The following CGNL1 variants were observed in gnomAD, a reference collection of about 807,000 sequenced individuals.
The protein encoded by CGNL1 is cingulin-like protein 1.
In CGNL1, 132 loss-of-function variants were observed where a neutral mutation model predicts 141.2. That is an observed-to-expected ratio of 0.93 (90% CI 0.81 to 1.08). The LOEUF is 1.08. CGNL1 is among the 50% of genes least tolerant of loss of function. CGNL1 has a pLI of 0.00. For missense variants in CGNL1, 1,870 were observed against 1,588.6 expected (o/e 1.18, Z -3.01); for synonymous variants, 690 against 622.1 (o/e 1.11, Z -1.63).
At chr15:57,389,286 C>G (rs1049176478) in intron 1 of CGNL1, among the ~76,000 whole-genome samples, 3 of 152,206 alleles carry the variant, frequency 2.0e-5, no homozygotes, top group East Asian at 3.9e-4. Context: ...GAACAAAACT[C>G]CATCTCAAAA....
rs1184447623 is a variant in CGNL1, at chr15:57,464,022, T to C, written c.2403+2130T>C. Among the ~76,000 whole-genome samples the C allele has an allele frequency of 2.6e-5, 4 of 152,160 alleles. No homozygotes were observed. The East Asian group carries it at 7.7e-4, about 29-fold the overall frequency. On this transcript the variant is annotated intron_variant, in intron 8 of 18. Transcript: ENST00000281282. ...CCCTATTATAATTTCTCATCTTGTC[T>C]GCTTCCTCCATTAGACTCTGCACTT...
chr15:57,380,628 G>A lies in CGNL1; in HGVS notation c.-16+4061G>A, dbSNP rs913355986. 3.3e-5 allele frequency among the ~76,000 whole-genome samples: 5 copies of A among 152,254 alleles called. 1 individual carries two copies. In the South Asian group the frequency reaches 6.2e-4, roughly 19 times the overall value. On this transcript the variant is annotated intron_variant, in intron 1 of 18. Transcript: ENST00000281282. ...TATTAGGCCCGTACCCCAAATGACT[G>A]ATTTTGGAAATGTCCGACTCCAGGA...
intron 13 of CGNL1, among the ~76,000 whole-genome samples, chr15:57,530,351 C>T (rs1411472589): frequency 6.6e-6 from 1 of 152,222 alleles, no homozygotes; most frequent in Admixed American, 6.5e-5. Context: ...TCATTAATTA[C>T]AAAATGAATG....
chr15:57,397,712 G>C (rs1026292128), intron 1 of CGNL1, among the ~76,000 whole-genome samples: 1 of 151,568 alleles, frequency 6.6e-6, no homozygotes, highest in African/African-American at 2.4e-5. Flanking sequence ...CTTTTTTCTT[G>C]ATTATGTAGT....
intron 7 of CGNL1, 142 bp downstream of exon 7, chr15:57,453,960 A>G: frequency 3.5e-6 from 3 of 852,470 alleles, no homozygotes; most frequent in East Asian, 5.3e-5. Context: ...GAGTCAGTGG[A>G]TGCGCTTGAT....
Position 57,535,211 on chromosome 15 carries a change from G to A in CGNL1, c.3291+3432G>A, listed in dbSNP as rs575001457. Among the ~76,000 whole-genome samples, 14 of 152,270 alleles carry A rather than the reference G, an allele frequency of 9.2e-5. No homozygotes were observed. In the South Asian group the frequency reaches 1.9e-3, roughly 20 times the overall value. On this transcript the variant is annotated intron_variant, in intron 14 of 18. Coordinates refer to ENST00000281282, the MANE Select transcript of CGNL1 (RefSeq NM_032866.5). The stretch of plus-strand genomic sequence containing the variant: ...TTCCAAGGCAGTGCTCTATCTACCC[G>A]TGCCTGCAAAATATGATGAATACCT...
chr15:57,405,365 C>A (rs1238459781), intron 1 of CGNL1, among the ~76,000 whole-genome samples: 1 of 152,224 alleles, frequency 6.6e-6, no homozygotes, highest in Non-Finnish European at 1.5e-5. Flanking sequence ...TTTCTCCCAT[C>A]ACTCTGGCAT....
At chr15:57,383,298 T>TTTTTTTTTTTTTTTTTTTTTTTTTTTG (rs1555428834) in intron 1 of CGNL1, among the ~76,000 whole-genome samples, 1 of 141,610 alleles carries the variant, frequency 7.1e-6, no homozygotes, top group Non-Finnish European at 1.5e-5. Context: ...CTTCCTTTTT[T>TTTTTTTTTTTTTTTTTTTTTTTTTTTG]TTTTTTTGTT....
At chr15:57,411,447 C>CTCT (rs762601226) in intron 1 of CGNL1, among the ~76,000 whole-genome samples, 2 of 142,142 alleles carry the variant, frequency 1.4e-5, no homozygotes, top group Non-Finnish European at 3.1e-5. Context: ...TTTTCTTTTT[C>CTCT]TTTTTTTTTT....
chr15:57,514,958 A>G (rs1475421363), intron 8 of CGNL1, among the ~76,000 whole-genome samples: 1 of 152,088 alleles, frequency 6.6e-6, no homozygotes, highest in Non-Finnish European at 1.5e-5. Context: ...TCATTGATTT[A>G]TATGCCTTCC....
At chr15:57,538,872 C>T (rs1251012321) in intron 14 of CGNL1, among the ~76,000 whole-genome samples, 1 of 152,084 alleles carries the variant, frequency 6.6e-6, no homozygotes, top group African/African-American at 2.4e-5. Flanking sequence ...TACAGGTTTG[C>T]GAAGACACAA....
chr15:57,515,493 C>T (rs2030698137), intron 8 of CGNL1, among the ~76,000 whole-genome samples: 1 of 152,168 alleles, frequency 6.6e-6, no homozygotes, highest in South Asian at 2.1e-4. Context: ...ACCTTGTCCT[C>T]CCTGGGCCTT....
At chr15:57,391,197 A>G (rs1357313579) in intron 1 of CGNL1, among the ~76,000 whole-genome samples, 1 of 152,164 alleles carries the variant, frequency 6.6e-6, no homozygotes, top group Non-Finnish European at 1.5e-5. Flanking sequence ...GTCATAGTCT[A>G]GCAGAGTCCG....
intron 8 of CGNL1, among the ~76,000 whole-genome samples, chr15:57,476,618 C>T (rs1331361660): frequency 1.3e-5 from 2 of 152,160 alleles, no homozygotes; most frequent in African/African-American, 2.4e-5. Context: ...GTTTTAGCTA[C>T]AGAGTAAGTC....
intron 8 of CGNL1, among the ~76,000 whole-genome samples, chr15:57,468,979 A>G (rs1555440300): frequency 6.6e-6 from 1 of 152,222 alleles, no homozygotes; most frequent in Non-Finnish European, 1.5e-5. Context: ...TTCCCTAGCC[A>G]CGTGGAACTG....
At chr15:57,511,903 T>C (rs1235593986) in intron 8 of CGNL1, among the ~76,000 whole-genome samples, 5 of 152,246 alleles carry the variant, frequency 3.3e-5, no homozygotes, top group Admixed American at 1.3e-4. Context: ...AAATGAATTA[T>C]TAAAAACTGT....
chr15:57,380,233 C>A (rs1362461413), intron 1 of CGNL1, among the ~76,000 whole-genome samples: 1 of 152,096 alleles, frequency 6.6e-6, no homozygotes, highest in African/African-American at 2.4e-5. Flanking sequence ...GGGGTTTCAC[C>A]ATGTTGGCCA....
At chr15:57,383,742 C>T (rs1326701926) in intron 1 of CGNL1, among the ~76,000 whole-genome samples, 1 of 151,920 alleles carries the variant, frequency 6.6e-6, no homozygotes, top group Non-Finnish European at 1.5e-5. Context: ...GATTCTCCCA[C>T]CTCAGCCTCC....
At chr15:57,405,990 G>T (rs1239442331) in intron 1 of CGNL1, 4 of 151,768 alleles carry the variant, frequency 2.6e-5, no homozygotes, top group African/African-American at 9.7e-5. Flanking sequence ...CCCCCTGTGG[G>T]TCAGGCCCTA....
Sources: gnomAD v4.1 joint callset for allele counts (sites outside exome capture counted in the v4.1 genomes callset) on GRCh38, gnomAD v4.1.1 for gene constraint, MANE v1.5 for transcripts, NCBI Gene and HGNC (gene_info 2026-07-23, HGNC 2026-07-21) for gene names.